Variants in ERBB4 observed in about 807,000 individuals in gnomAD.
ERBB4 encodes erb-b2 receptor tyrosine kinase 4, also known as receptor tyrosine-protein kinase erbB-4.
ERBB4 carries 42 observed loss-of-function variants against 158.0 expected under a neutral mutation model. The observed-to-expected ratio is 0.27, with a 90% confidence interval of 0.21 to 0.34. ERBB4 has a LOEUF of 0.34. Among genes scored for constraint, ERBB4 ranks in the 10% least tolerant of loss-of-function variants. ERBB4 has a pLI of 1.00. For synonymous variants in ERBB4, 583 were observed against 558.7 expected (o/e 1.04, Z -0.61); for missense variants, 1,333 against 1,624.1 (o/e 0.82, Z 3.08).
chr2:212,182,452 G>T (rs2081897070), intron 1 of ERBB4, among the ~76,000 whole-genome samples: 1 of 151,788 alleles, frequency 6.6e-6, no homozygotes, highest in Non-Finnish European at 1.5e-5. Flanking sequence ...ACACCTTTTT[G>T]AGCTTGTCCT....
At chr2:211,965,966 C>T (rs1426711473) in intron 2 of ERBB4, among the ~76,000 whole-genome samples, 1 of 152,160 alleles carries the variant, frequency 6.6e-6, no homozygotes, top group African/African-American at 2.4e-5. Flanking sequence ...AATCCCAGCA[C>T]TTTGGGAGGC....
chr2:211,705,243 T>A (rs534990533), intron 10 of ERBB4, 75 bp downstream of exon 10: 11 of 1,017,876 alleles, frequency 1.1e-5, no homozygotes, highest in Non-Finnish European at 9.3e-6. Flanking sequence ...TGAGCCACGA[T>A]GCCCAGTCAA....
Position 211,553,808 on chromosome 2 carries a change from C to T in ERBB4, c.2487+8095G>A, listed in dbSNP as rs141104893. 2.2e-4 allele frequency among the ~76,000 whole-genome samples: 33 copies of T among 152,280 alleles called. No individual in the cohort carries two copies. In the East Asian group the frequency reaches 6.4e-3, roughly 29 times the overall value. ...AGGCTAAACACAAACTAGTACCAGA[C>T]TACACATTTTAAATTCTTATTTTAC... On this transcript the variant is annotated intron_variant, in intron 20 of 27. Transcript: ENST00000342788.
At chr2:211,906,074 G>A (rs998763028) in intron 3 of ERBB4, among the ~76,000 whole-genome samples, 8 of 151,926 alleles carry the variant, frequency 5.3e-5, no homozygotes, top group African/African-American at 1.2e-4. Flanking sequence ...AGATACATTC[G>A]AGAAGTGTCA....
At chr2:212,508,510 TA>T (rs1004045649) in intron 1 of ERBB4, among the ~76,000 whole-genome samples, 2 of 152,102 alleles carry the variant, frequency 1.3e-5, no homozygotes, top group Admixed American at 6.5e-5. Flanking sequence ...GACACATGTC[TA>T]AAAAAGAAGC....
At chr2:212,344,129 T>C (rs560143631) in intron 1 of ERBB4, among the ~76,000 whole-genome samples, 9 of 152,308 alleles carry the variant, frequency 5.9e-5, no homozygotes, top group African/African-American at 9.6e-5. Context: ...AAGCATTATA[T>C]ACAGGTAGTT....
intron 5 of ERBB4, among the ~76,000 whole-genome samples, chr2:211,749,286 A>C (rs1275687815): frequency 1.3e-5 from 2 of 152,192 alleles, no homozygotes. Flanking sequence ...GACCCTACAA[A>C]TTCACCTCTA....
chr2:211,868,328 C>G (rs1311474457), intron 3 of ERBB4, among the ~76,000 whole-genome samples: 1 of 152,180 alleles, frequency 6.6e-6, no homozygotes, highest in East Asian at 1.9e-4. Context: ...TGAAGTTCTG[C>G]TATCCTTTAA....
intron 1 of ERBB4, among the ~76,000 whole-genome samples, chr2:212,465,429 C>T (rs970379902): frequency 6.6e-6 from 1 of 152,098 alleles, no homozygotes; most frequent in South Asian, 2.1e-4. Context: ...GAAGCAGAAT[C>T]AGAATGACAA....
chr2:211,820,558 GGAGGAAATTTCTTCCTCATTTAAC>G (rs1204437590), intron 3 of ERBB4, among the ~76,000 whole-genome samples: 3 of 151,756 alleles, frequency 2.0e-5, no homozygotes, highest in Non-Finnish European at 4.4e-5. Context: ...AAATTGAAAA[GGAGGAAATTTCTTCCTCATTTAAC>G]TAGGCCAGTA....
chr2:212,062,200 A>G (rs993428477), intron 2 of ERBB4, among the ~76,000 whole-genome samples: 3 of 152,134 alleles, frequency 2.0e-5, no homozygotes, highest in African/African-American at 7.2e-5. Context: ...ATGAGACATA[A>G]TCTGCTTTTC....
At chr2:211,743,170 T>A (rs1267547671) in intron 5 of ERBB4, among the ~76,000 whole-genome samples, 1 of 152,180 alleles carries the variant, frequency 6.6e-6, no homozygotes, top group African/African-American at 2.4e-5. Flanking sequence ...CATTTTTCAA[T>A]CAGCTTATCA....
chr2:211,998,245 C>T (rs771302425), intron 2 of ERBB4, among the ~76,000 whole-genome samples: 1 of 151,360 alleles, frequency 6.6e-6, no homozygotes, highest in Non-Finnish European at 1.5e-5. Context: ...TGACTCCCTG[C>T]TTATCTGTCT....
At chr2:211,819,496 A>G (rs1182486388) in intron 3 of ERBB4, among the ~76,000 whole-genome samples, 1 of 152,050 alleles carries the variant, frequency 6.6e-6, no homozygotes, top group Non-Finnish European at 1.5e-5. Flanking sequence ...GATCCCCAGA[A>G]TTTGCAGAAA....
intron 2 of ERBB4, among the ~76,000 whole-genome samples, chr2:212,083,256 G>A (rs2078498881): frequency 6.6e-6 from 1 of 151,906 alleles, no homozygotes; most frequent in African/African-American, 2.4e-5. Flanking sequence ...GTAATTCAGT[G>A]TTTCATAAAA....
intron 3 of ERBB4, among the ~76,000 whole-genome samples, chr2:211,835,361 C>G (rs909108988): frequency 1.1e-5 from 1 of 94,650 alleles, no homozygotes; most frequent in Non-Finnish European, 2.4e-5. Context: ...TATGAGTTAG[C>G]CACAAGGACT....
chr2:211,766,000 A>C (rs746751533), intron 4 of ERBB4, among the ~76,000 whole-genome samples: 1 of 152,234 alleles, frequency 6.6e-6, no homozygotes, highest in African/African-American at 2.4e-5. Context: ...GTGGCTGATC[A>C]AGATAACTAC....
intron 1 of ERBB4, among the ~76,000 whole-genome samples, chr2:212,458,421 A>T (rs1688409905): frequency 6.6e-6 from 1 of 152,108 alleles, no homozygotes; most frequent in African/African-American, 2.4e-5. Context: ...CATGCATGAG[A>T]AAGTGTATCA....
intron 4 of ERBB4, among the ~76,000 whole-genome samples, chr2:211,773,627 T>TATA (rs1291343190): frequency 3.8e-5 from 2 of 52,302 alleles, no homozygotes; most frequent in Non-Finnish European, 8.1e-5. Flanking sequence ...TATATATATA[T>TATA]ATATATATAT....
Sources: gnomAD v4.1 joint callset for allele counts (sites outside exome capture counted in the v4.1 genomes callset) on GRCh38, gnomAD v4.1.1 for gene constraint, MANE v1.5 for transcripts, NCBI Gene and HGNC (gene_info 2026-07-23, HGNC 2026-07-21) for gene names.